The following PRKCE variants were observed in gnomAD, a reference collection of about 807,000 sequenced individuals.
PRKCE encodes the protein protein kinase C epsilon.
Under a neutral mutation model 85.4 loss-of-function variants are expected in PRKCE, and 16 were observed. The observed-to-expected ratio is 0.19, with a 90% CI of 0.13 to 0.28. The LOEUF is 0.28. Ranked by LOEUF, PRKCE falls within the 10% of genes least tolerant of loss-of-function variation. The pLI is 1.00. For missense variants in PRKCE, 573 were observed against 975.2 expected (o/e 0.59, Z 5.49); for synonymous variants, 388 against 371.5 (o/e 1.04, Z -0.51).
At chr2:45,854,372 G>A (rs1053662172) in intron 2 of PRKCE, among the ~76,000 whole-genome samples, 1 of 152,194 alleles carries the variant, frequency 6.6e-6, no homozygotes, top group Non-Finnish European at 1.5e-5. Context: ...CCATAGGGAG[G>A]CATGGATTAA....
intron 11 of PRKCE, among the ~76,000 whole-genome samples, chr2:46,109,363 A>G (rs1672040847): frequency 6.6e-6 from 1 of 152,020 alleles, no homozygotes; most frequent in African/African-American, 2.4e-5. Flanking sequence ...ATCTTCCTTG[A>G]TTTCTTGTGT....
At chr2:46,100,165 C>T (rs527917571) in intron 11 of PRKCE, among the ~76,000 whole-genome samples, 3 of 152,246 alleles carry the variant, frequency 2.0e-5, no homozygotes, top group East Asian at 1.9e-4. Flanking sequence ...TCAAAATTAC[C>T]TCAGTGAGGC....
At chr2:46,131,455 G>A (rs1390096438) in intron 11 of PRKCE, among the ~76,000 whole-genome samples, 1 of 152,218 alleles carries the variant, frequency 6.6e-6, no homozygotes, top group Non-Finnish European at 1.5e-5. Flanking sequence ...TAGTTCAGAA[G>A]GGATCACAGT....
chr2:45,976,026 C>G (rs934126745), intron 2 of PRKCE, among the ~76,000 whole-genome samples: 1 of 152,208 alleles, frequency 6.6e-6, no homozygotes, highest in Non-Finnish European at 1.5e-5. Context: ...GAGATGCGCT[C>G]AGATGCTCAG....
intron 2 of PRKCE, among the ~76,000 whole-genome samples, chr2:45,967,470 C>G (rs1701809878): frequency 6.6e-6 from 1 of 152,128 alleles, no homozygotes. Context: ...AAACAGGGGC[C>G]AGGCTTCCAC....
chr2:45,676,632 G>A (rs970997234), intron 1 of PRKCE: 1 of 152,228 alleles, frequency 6.6e-6, no homozygotes, highest in South Asian at 2.1e-4. Context: ...CATACATATT[G>A]CCCCATTGTG....
chr2:45,858,048 A>G (rs1277076916), intron 2 of PRKCE, among the ~76,000 whole-genome samples: 1 of 152,158 alleles, frequency 6.6e-6, no homozygotes, highest in Non-Finnish European at 1.5e-5. Context: ...GGCTGAAGGG[A>G]TGAAAATCAA....
At chr2:45,737,128 T>C (rs1028645465) in intron 1 of PRKCE, among the ~76,000 whole-genome samples, 2 of 152,162 alleles carry the variant, frequency 1.3e-5, no homozygotes, top group African/African-American at 2.4e-5. Flanking sequence ...GACGACTCTC[T>C]CCAAGGAAGT....
At position 46,159,998 on chromosome 2, in the gene PRKCE, G is replaced by T; in HGVS notation, c.2067+246G>T. The T allele has an allele frequency of 2.2e-6, 1 of 456,272 alleles. No homozygotes were observed. Among genetic ancestry groups the T allele is most frequent in the South Asian group, 3.4e-5 (1 of 29,128 alleles). 28.3% of individuals were successfully genotyped at this position (456,272 alleles called of 1,614,324 possible). On this transcript the variant is annotated intron_variant, in intron 14 of 14. Transcript: ENST00000306156. This position sits in a 1 kb window ranked among gnomAD's most constrained non-coding sequence, Gnocchi z 4.1. ...TTACGTGGGCCACAGAACACCTTTTGTCTTTACAGAGATTCAATTTATTTA... is the reference window on the plus strand; with the variant it reads ...TTACGTGGGCCACAGAACACCTTTTTTCTTTACAGAGATTCAATTTATTTA...
At chr2:45,811,849 A>T (rs1468148896) in intron 1 of PRKCE, among the ~76,000 whole-genome samples, 1 of 152,220 alleles carries the variant, frequency 6.6e-6, no homozygotes, top group Non-Finnish European at 1.5e-5. Context: ...AATATTTTTA[A>T]TATTAAATAA....
chr2:45,987,353 T>C (rs1383464742), intron 6 of PRKCE, among the ~76,000 whole-genome samples: 1 of 152,176 alleles, frequency 6.6e-6, no homozygotes, highest in Non-Finnish European at 1.5e-5. Flanking sequence ...GGCTGAGACC[T>C]GAAGCTCCCC....
chr2:45,725,797 C>G (rs1681015749), intron 1 of PRKCE, among the ~76,000 whole-genome samples: 2 of 151,792 alleles, frequency 1.3e-5, no homozygotes, highest in Non-Finnish European at 2.9e-5. Context: ...CATCACTGTA[C>G]TCTAGCCTCT....
intron 2 of PRKCE, among the ~76,000 whole-genome samples, chr2:45,872,214 A>C (rs1389779943): frequency 6.6e-6 from 1 of 152,110 alleles, no homozygotes; most frequent in Non-Finnish European, 1.5e-5. Flanking sequence ...CCTTTGCGTA[A>C]CTCTGGAAGG....
At chr2:46,057,325 C>A (rs1666678193) in intron 10 of PRKCE, among the ~76,000 whole-genome samples, 1 of 152,168 alleles carries the variant, frequency 6.6e-6, no homozygotes, top group Non-Finnish European at 1.5e-5. Context: ...AAAATTTGTT[C>A]TTCTTCCCAC....
At chr2:46,181,720 A>C (rs1282169130) in intron 14 of PRKCE, among the ~76,000 whole-genome samples, 1 of 152,242 alleles carries the variant, frequency 6.6e-6, no homozygotes. Context: ...AATCAGGTAA[A>C]TGGGGAGAGC....
chr2:45,824,439 G>T (rs763868427), intron 1 of PRKCE, among the ~76,000 whole-genome samples: 2 of 152,162 alleles, frequency 1.3e-5, no homozygotes, highest in African/African-American at 2.4e-5. Context: ...TAAGCGGGGC[G>T]TGTTGTGTCC....
At chr2:45,996,609 C>G (rs1329729716) in intron 6 of PRKCE, among the ~76,000 whole-genome samples, 1 of 93,710 alleles carries the variant, frequency 1.1e-5, no homozygotes, top group Non-Finnish European at 2.3e-5. Flanking sequence ...TTTTTTCTCT[C>G]TTTAGTCTAT....
Position 45,980,458 on chromosome 2 carries a change from A to G in PRKCE, c.693+77A>G, listed in dbSNP as rs1437771390. 4 of 1,358,728 alleles carry G rather than the reference A, an allele frequency of 2.9e-6. No homozygotes were observed. In the African/African-American group the frequency reaches 4.3e-5, roughly 15 times the overall value. The allele number at this position is 1,358,728 out of a possible 1,614,324, so 84.2% of individuals were successfully genotyped here. ...CTTCACTGCCTCTTCTGTGGTTCCC[A>G]AGAAAACCTTCTCTGCCTGAGACCC... On this transcript the variant is annotated intron_variant, in intron 5 of 14. Coordinates refer to ENST00000306156, the MANE Select transcript of PRKCE (RefSeq NM_005400.3).
At chr2:45,993,261 G>T (rs1284602699) in intron 6 of PRKCE, among the ~76,000 whole-genome samples, 1 of 152,196 alleles carries the variant, frequency 6.6e-6, no homozygotes, top group African/African-American at 2.4e-5. Context: ...TGGCCTCCCA[G>T]TGACACCTGC....
Sources: gnomAD v4.1 joint callset for allele counts (sites outside exome capture counted in the v4.1 genomes callset) on GRCh38, gnomAD v4.1.1 for gene constraint, Gnocchi (gnomAD v3.1) non-coding constraint, MANE v1.5 for transcripts, NCBI Gene and HGNC (gene_info 2026-07-23, HGNC 2026-07-21) for gene names.